The following NUDT13 variants were observed in gnomAD, a reference collection of about 807,000 sequenced individuals.
The protein encoded by NUDT13 is nudix hydrolase 13.
NUDT13 carries 40 observed loss-of-function variants against 41.7 expected under a neutral mutation model. The ratio of observed to expected loss-of-function variants is 0.96; its 90% CI spans 0.75 to 1.25. NUDT13 has a LOEUF of 1.25. NUDT13 is among the 50% of genes most tolerant of loss of function. The pLI is 0.00. For synonymous variants in NUDT13, 145 were observed against 155.5 expected, an observed-to-expected ratio of 0.93 and a Z score of 0.50; for missense variants, 390 against 416.1, an observed-to-expected ratio of 0.94 and a Z score of 0.55.
intron 5 of NUDT13, chr10:73,124,870 A>G (rs1842732226): frequency 2.6e-6 from 1 of 390,698 alleles, no homozygotes. Flanking sequence ...ATTACCTCAT[A>G]TACTTCATAT....
intron 8 of NUDT13, among the ~76,000 whole-genome samples, chr10:73,128,969 T>A (rs1339179978): frequency 2.0e-5 from 3 of 152,176 alleles, no homozygotes; most frequent in African/African-American, 7.2e-5. Context: ...TATCCAATTT[T>A]CCCAACACTG....
At chr10:73,112,357 AAAAAATAGAAAGAAAAATATAATTAAAT>A (rs1842386259) in intron 1 of NUDT13, among the ~76,000 whole-genome samples, 1 of 152,120 alleles carries the variant, frequency 6.6e-6, no homozygotes, top group Non-Finnish European at 1.5e-5. Context: ...CCGTCTCAAA[AAAAAATAGAAAGAAAAATATAATTAAAT>A]ACATATAATT....
intron 8 of NUDT13, among the ~76,000 whole-genome samples, chr10:73,129,167 CTTTTTTT>C (rs900393888): frequency 5.4e-5 from 6 of 110,210 alleles, no homozygotes; most frequent in African/African-American, 2.2e-4. Flanking sequence ...AAGACGTTGT[CTTTTTTT>C]TTTTTTTTTT....
chr10:73,114,539 G>A (rs1463530243), intron 2 of NUDT13, 91 bp downstream of exon 2: 6 of 436,978 alleles, frequency 1.4e-5, no homozygotes, highest in Admixed American at 1.2e-4. Flanking sequence ...TTAGGTTTAT[G>A]ATTATTATAT....
chr10:73,118,371 T>G (rs529615384), intron 2 of NUDT13, among the ~76,000 whole-genome samples: 1 of 152,354 alleles, frequency 6.6e-6, no homozygotes, highest in African/African-American at 2.4e-5. Flanking sequence ...AAACTCTGCC[T>G]ACTGGTATTA....
At chr10:73,113,395 C>T (rs1313079078) in intron 1 of NUDT13, among the ~76,000 whole-genome samples, 1 of 151,984 alleles carries the variant, frequency 6.6e-6, no homozygotes, top group African/African-American at 2.4e-5. Flanking sequence ...GGTGTATGAG[C>T]CAGAAATAAT....
chr10:73,123,469 A>C (rs1438643302), intron 4 of NUDT13, among the ~76,000 whole-genome samples: 1 of 152,210 alleles, frequency 6.6e-6, no homozygotes, highest in East Asian at 1.9e-4. Context: ...CGGATAAGCT[A>C]ATGCAAATGT....
At chr10:73,124,086 G>GC (rs11355471) in intron 4 of NUDT13, 128 bp from the exon 5 acceptor site, 9 of 637,538 alleles carry the variant, frequency 1.4e-5, no homozygotes, top group Admixed American at 1.0e-4. Flanking sequence ...ACAGGCACAC[G>GC]CCCCCCACAC....
intron 5 of NUDT13, 121 bp downstream of exon 5, chr10:73,124,441 C>T (rs549715403): frequency 1.5e-6 from 1 of 660,798 alleles, no homozygotes; most frequent in East Asian, 2.6e-5. Flanking sequence ...ATAGTCCTTT[C>T]TACAAACACT....
At chr10:73,119,433 GTTCT>G (rs1243984817) in intron 2 of NUDT13, 1 of 946,468 alleles carries the variant, frequency 1.1e-6, no homozygotes, top group African/African-American at 1.8e-5. Flanking sequence ...GGTAAAATTT[GTTCT>G]TTATCTTCCC....
chr10:73,124,001 C>T (rs900933813), intron 4 of NUDT13, among the ~76,000 whole-genome samples: 5 of 152,080 alleles, frequency 3.3e-5, no homozygotes, highest in South Asian at 2.1e-4. Context: ...AAGATCATAG[C>T]GCACTGTATG....
intron 1 of NUDT13, among the ~76,000 whole-genome samples, chr10:73,113,889 A>G (rs1467990336): frequency 6.6e-6 from 1 of 152,210 alleles, no homozygotes; most frequent in African/African-American, 2.4e-5. Context: ...TGTGAGAGGT[A>G]CTTTTCATGG....
chr10:73,114,704 CA>C (rs1186597059), intron 2 of NUDT13, among the ~76,000 whole-genome samples: 2 of 151,754 alleles, frequency 1.3e-5, no homozygotes, highest in South Asian at 2.1e-4. Context: ...CTTTAGACCT[CA>C]GGGGCAGGCC....
At position 73,122,308 on chromosome 10, in the gene NUDT13, T is replaced by C. The variant is rs371496430; in HGVS notation, c.357T>C (p.Ser119=). The C allele has an allele frequency of 3.1e-6, 5 of 1,612,842 alleles. No individual in the cohort carries two copies. The African/African-American group carries it at 4.0e-5, about 13-fold the overall frequency. The change falls in exon 4 of 9, where the codon AGT becomes AGC. Residue 119 remains serine, a splice_region_variant and synonymous_variant. Coordinates refer to ENST00000357321, the MANE Select transcript of NUDT13 (RefSeq NM_015901.6). ...GTCTGGATAGCTCCTTTTCCATAAG[T>C]GGTACATGACATTATTCCTAACGGG... ...DLGLDSSFSI[S]ASLHKPEMET...
chr10:73,116,143 G>A (rs1294124394), intron 2 of NUDT13, among the ~76,000 whole-genome samples: 2 of 151,892 alleles, frequency 1.3e-5, no homozygotes, highest in Non-Finnish European at 2.9e-5. Context: ...GATCACATGC[G>A]TAGCTACTTG....
At chr10:73,123,664 A>G (rs1028547782) in intron 4 of NUDT13, among the ~76,000 whole-genome samples, 3 of 151,834 alleles carry the variant, frequency 2.0e-5, no homozygotes, top group African/African-American at 4.8e-5. Flanking sequence ...AATTTTATGT[A>G]TATATTTATT....
intron 3 of NUDT13, among the ~76,000 whole-genome samples, chr10:73,120,806 C>T (rs999216037): frequency 4.0e-5 from 6 of 151,890 alleles, no homozygotes; most frequent in Middle Eastern, 3.2e-3. Flanking sequence ...GGCGTGGTGG[C>T]GGGTGCCTGT....
At chr10:73,116,904 T>TTTTTTTTTTTTTTTTTTTTTTTGTG (rs1842528433) in intron 2 of NUDT13, among the ~76,000 whole-genome samples, 1 of 142,358 alleles carries the variant, frequency 7.0e-6, no homozygotes, top group African/African-American at 2.7e-5. Flanking sequence ...TTTTTTTTTT[T>TTTTTTTTTTTTTTTTTTTTTTTGTG]GAGATGGAGT....
At position 73,126,823 on chromosome 10, in the gene NUDT13, C is replaced by G. The variant is rs1455709455; in HGVS notation, c.854C>G (p.Thr285Arg). Residue 285 changes from threonine to arginine, a missense_variant, in exon 8 of 9, where the codon ACA becomes AGA. Thr to Arg is a moderately conservative substitution (Grantham distance 71). Transcript: ENST00000357321. Reference protein sequence around the residue: ...ACHATVKPGQTEIQVNLRELE... With the variant: ...ACHATVKPGQREIQVNLRELE... ...CATGCAACTGTGAAACCAGGGCAGA[C>G]AGAAGTAAGTTCTCATCTTCCCTTA... 1 of 1,613,910 alleles carries G rather than the reference C, an allele frequency of 6.2e-7. No individual in the cohort carries two copies. Among genetic ancestry groups the G allele is most frequent in the Non-Finnish European group, 8.5e-7 (1 of 1,179,810 alleles).
Sources: allele counts gnomAD v4.1 joint callset (sites outside exome capture counted in the v4.1 genomes callset), GRCh38; gene constraint gnomAD v4.1.1; transcripts MANE v1.5; gene names NCBI Gene and HGNC (gene_info 2026-07-23, HGNC 2026-07-21).